Variants in HIPK2 observed in about 807,000 individuals in gnomAD.
The protein encoded by HIPK2 is homeodomain interacting protein kinase 2, also known as homeodomain-interacting protein kinase 2.
Under a neutral mutation model 113.7 loss-of-function variants are expected in HIPK2, and 27 were observed. That is an observed-to-expected ratio of 0.24 (90% CI 0.17 to 0.33). The LOEUF (loss-of-function observed/expected upper bound fraction) is 0.33. Ranked by LOEUF, HIPK2 falls within the 10% of genes least tolerant of loss-of-function variation. The pLI is 1.00. For synonymous variants in HIPK2, 631 were observed against 642.2 expected, an observed-to-expected ratio of 0.98 and a Z score of 0.26; for missense variants, 1,257 against 1,588.0, an observed-to-expected ratio of 0.79 and a Z score of 3.54.
At chr7:139,628,904 GC>G in intron 5 of HIPK2, 48 bp downstream of exon 5, 1 of 1,488,204 alleles carries the variant, frequency 6.7e-7, no homozygotes, top group Non-Finnish European at 9.2e-7. Context: ...AAGTCTTGCT[GC>G]CCTTGGTTTT....
In HIPK2 at chr7:139,572,892, T is replaced by TCTCC. The variant is rs754430570; in HGVS notation, c.*31_*34dup. The TCTCC allele has an allele frequency of 1.3e-4, 88 of 655,366 alleles. No individual in the cohort carries two copies. The highest frequency in any genetic ancestry group is 6.3e-4 in the South Asian group (34 of 53,804). The allele number at this position is 655,366 out of a possible 1,614,324, so 40.6% of individuals were successfully genotyped here. A position where few individuals can be genotyped will look rare whatever the true frequency, so the allele number is the denominator to read the frequency against. On this transcript the variant is annotated 3_prime_UTR_variant, in exon 15 of 15. Transcript: ENST00000406875. ...CTCTCCCTCCTCCCTCGGGCCATTC[T>TCTCC]CTCCCTCCCTCCCTCCCTCCCTCCC...
chr7:139,702,163 G>T (rs1794727853), intron 2 of HIPK2, among the ~76,000 whole-genome samples: 2 of 152,190 alleles, frequency 1.3e-5, no homozygotes, highest in South Asian at 2.1e-4. Context: ...GGCGGGAGAG[G>T]CTGGGCAGCC....
rs767937322 is a variant in HIPK2 at position 139,575,192 on chromosome 7, A to G, written c.3062T>C (p.Ile1021Thr). ...GCCCGGCCGCTGCTGCCGGTAGGTG[A>G]TGGCTCCAGATGAGCTCCCTGAAGA... is the stretch of plus-strand genomic sequence containing the variant. ...GHSSGSSSGA[I>T]TYRQQRPGPH... The change falls in exon 14 of 15, where the codon ATC (isoleucine) becomes ACC (threonine). Residue 1021 changes from isoleucine to threonine, a missense_variant. Coordinates refer to ENST00000406875, the MANE Select transcript of HIPK2 (RefSeq NM_022740.5). 10 of 1,588,596 alleles carry G rather than the reference A, an allele frequency of 6.3e-6. No individual in the cohort carries two copies. In the African/African-American group the frequency reaches 1.3e-4, roughly 21 times the overall value.
At chr7:139,669,657 TGG>T (rs141264153) in intron 2 of HIPK2, among the ~76,000 whole-genome samples, 1 of 19,942 alleles carries the variant, frequency 5.0e-5, no homozygotes, top group Non-Finnish European at 1.4e-4. Flanking sequence ...AGTGGGCGGG[TGG>T]GGGGGACACA....
chr7:139,697,022 G>T (rs1023857024), intron 2 of HIPK2, among the ~76,000 whole-genome samples: 8 of 152,132 alleles, frequency 5.3e-5, no homozygotes, highest in Non-Finnish European at 1.0e-4. Context: ...TTTTATTTAG[G>T]CTTACCATCT....
Position 139,613,408 on chromosome 7 carries a change from T to G in HIPK2, c.1991-85A>C. The G allele has an allele frequency of 6.6e-7, 1 of 1,521,098 alleles. No homozygotes were observed. Among genetic ancestry groups the G allele is most frequent in the Non-Finnish European group, 8.9e-7 (1 of 1,121,356 alleles). The allele number at this position is 1,521,098 out of a possible 1,614,324, so 94.2% of individuals were successfully genotyped here. A position where few individuals can be genotyped will look rare whatever the true frequency, so the allele number is the denominator to read the frequency against. The stretch of plus-strand genomic sequence containing the variant: ...AAAAGAACCTTCCTGGGCAGTTATG[T>G]CAACTTTCTGCTTCCCTTTGCACTG... On this transcript the variant is annotated intron_variant, in intron 8 of 14. Transcript: ENST00000406875. This position sits in a 1 kb window ranked among gnomAD's most constrained non-coding sequence, Gnocchi z 4.2.
At chr7:139,644,203 AAAGAAG>A (rs1330569455) in intron 2 of HIPK2, among the ~76,000 whole-genome samples, 1 of 152,206 alleles carries the variant, frequency 6.6e-6, no homozygotes, top group Non-Finnish European at 1.5e-5. Context: ...ATATATATAC[AAAGAAG>A]TATACAACAA....
intron 2 of HIPK2, among the ~76,000 whole-genome samples, chr7:139,677,502 G>A (rs1343695494): frequency 6.6e-6 from 1 of 152,074 alleles, no homozygotes; most frequent in East Asian, 1.9e-4. Flanking sequence ...CCTTCTTGCT[G>A]AGCCCTCACA....
rs1434920715 is a variant in HIPK2, at chr7:139,572,869, C to A, written c.*58G>T. 8.6e-6 allele frequency: 12 copies of A among 1,402,332 alleles called. No individual in the cohort carries two copies. Among genetic ancestry groups the A allele is most frequent in the Non-Finnish European group, 1.0e-5 (11 of 1,066,944 alleles). 86.9% of individuals were successfully genotyped at this position (1,402,332 alleles called of 1,614,324 possible). On this transcript the variant is annotated 3_prime_UTR_variant, in exon 15 of 15. Coordinates refer to ENST00000406875, the MANE Select transcript of HIPK2 (RefSeq NM_022740.5). ...GTCCCAGGAGCGCCTCCCTCCTTCT[C>A]TCCCTCCTCCCTCGGGCCATTCTCT...
intron 2 of HIPK2, among the ~76,000 whole-genome samples, chr7:139,693,466 G>T (rs377322633): frequency 6.6e-6 from 1 of 152,270 alleles, no homozygotes; most frequent in Non-Finnish European, 1.5e-5. Flanking sequence ...TAGAAGAAAC[G>T]TGTGTCTGGG....
chr7:139,697,425 C>A (rs1292599610), intron 2 of HIPK2, among the ~76,000 whole-genome samples: 3 of 152,130 alleles, frequency 2.0e-5, no homozygotes, highest in Non-Finnish European at 4.4e-5. Context: ...AAAATCAGCT[C>A]CTATGGCGAC....
At position 139,567,441 on chromosome 7, in the gene HIPK2, T is replaced by C. The variant is rs1386670354; in HGVS notation, c.*5486A>G. The C allele has an allele frequency of 6.6e-6, 1 of 151,514 alleles. No individual in the cohort carries two copies. Among genetic ancestry groups the C allele is most frequent in the African/African-American group, 2.4e-5 (1 of 41,200 alleles). 9.4% of individuals were successfully genotyped at this position (151,514 alleles called of 1,614,324 possible). On this transcript the variant is annotated 3_prime_UTR_variant, in exon 15 of 15. Transcript: ENST00000406875. ...GACAGAGAGGAAAGAGAAAGACAAA[T>C]AGAATTGCATCACTAATGATGTCAT...
At chr7:139,696,843 T>C (rs2116822646) in intron 2 of HIPK2, among the ~76,000 whole-genome samples, 1 of 152,304 alleles carries the variant, frequency 6.6e-6, no homozygotes, top group Non-Finnish European at 1.5e-5. Flanking sequence ...GAGATGAATG[T>C]TTCTGTGCAT....
Position 139,566,174 on chromosome 7 carries a change from T to C in HIPK2, c.*6753A>G, listed in dbSNP as rs1331744212. The stretch of plus-strand genomic sequence containing the variant: ...CTCTTTGCACAGTCCTTTAGCTGAG[T>C]CCCACGGTGCATGGGATGGCACAGG... On this transcript the variant is annotated 3_prime_UTR_variant, in exon 15 of 15. Transcript: ENST00000406875. This position sits in a 1 kb window ranked among gnomAD's most constrained non-coding sequence, Gnocchi z 4.1. The C allele has an allele frequency of 6.6e-6, 1 of 152,198 alleles. No individual in the cohort carries two copies. The highest frequency in any genetic ancestry group is 1.5e-5 in the Non-Finnish European group (1 of 68,036). The allele number at this position is 152,198 out of a possible 1,614,324, so 9.4% of individuals were successfully genotyped here.
chr7:139,743,243 G>A (rs533047842), intron 1 of HIPK2, among the ~76,000 whole-genome samples: 1 of 152,336 alleles, frequency 6.6e-6, no homozygotes, highest in South Asian at 2.1e-4. Flanking sequence ...GGAAGAAGAT[G>A]ATGGGCACAA....
chr7:139,566,089 A>AT lies in HIPK2; in HGVS notation c.*6837dup, dbSNP rs1469670553. ...ATGAATCAAAAGAAACTCTCCAGAG[A>AT]TTTTCTCTAAAAATCAAACGAATTC... On this transcript the variant is annotated 3_prime_UTR_variant, in exon 15 of 15. Coordinates refer to ENST00000406875, the MANE Select transcript of HIPK2 (RefSeq NM_022740.5). This position sits in a 1 kb window ranked among gnomAD's most constrained non-coding sequence, Gnocchi z 4.1. The AT allele has an allele frequency of 6.6e-6, 1 of 152,200 alleles. No homozygotes were observed. The highest frequency in any genetic ancestry group is 1.5e-5 in the Non-Finnish European group (1 of 68,030). 9.4% of individuals were successfully genotyped at this position (152,200 alleles called of 1,614,324 possible). A position where few individuals can be genotyped will look rare whatever the true frequency, so the allele number is the denominator to read the frequency against.
chr7:139,670,746 TC>T (rs1554441662), intron 2 of HIPK2, among the ~76,000 whole-genome samples: 49 of 68,222 alleles, frequency 7.2e-4, no homozygotes, highest in Middle Eastern at 5.7e-3. Flanking sequence ...TTTCTTTCTT[TC>T]TTTCTTTCTT....
intron 2 of HIPK2, among the ~76,000 whole-genome samples, chr7:139,675,104 G>C (rs1802452044): frequency 6.6e-6 from 1 of 152,130 alleles, no homozygotes; most frequent in Non-Finnish European, 1.5e-5. Context: ...ATAGATGCTG[G>C]TGCATCAGAC....
chr7:139,734,592 T>C (rs892555981), intron 1 of HIPK2, among the ~76,000 whole-genome samples: 2 of 152,196 alleles, frequency 1.3e-5, no homozygotes, highest in African/African-American at 2.4e-5. Flanking sequence ...TGGTAAAGAA[T>C]ATTTAAGTTC....
Sources: allele counts gnomAD v4.1 joint callset (sites outside exome capture counted in the v4.1 genomes callset), GRCh38; gene constraint gnomAD v4.1.1; non-coding constraint Gnocchi (gnomAD v3.1); transcripts MANE v1.5; gene names NCBI Gene and HGNC (gene_info 2026-07-23, HGNC 2026-07-21).